CHPF2: variants seen among roughly 807,000 people sequenced by gnomAD.
CHPF2 encodes the protein chondroitin polymerizing factor 2.
Under a neutral mutation model 63.0 loss-of-function variants are expected in CHPF2, and 58 were observed. The ratio of observed to expected loss-of-function variants is 0.92; its 90% CI spans 0.75 to 1.15. The LOEUF (loss-of-function observed/expected upper bound fraction) is 1.15, where lower values mean the gene tolerates loss of function less well. CHPF2 is among the 50% of genes most tolerant of loss of function. The probability of loss-of-function intolerance (pLI) is 0.00; values close to 1 mark genes in which losing one functional copy is unlikely to be tolerated. For synonymous variants in CHPF2, 442 were observed against 438.0 expected (o/e 1.01, Z -0.11); for missense variants, 1,045 against 1,035.4 (o/e 1.01, Z -0.13).
In CHPF2 at chr7:151,232,574, C is replaced by G. The variant is rs929087285; in HGVS notation, c.-1438C>G. On this transcript the variant is annotated 5_prime_UTR_variant, in exon 1 of 4. Transcript: ENST00000035307. Reference sequence around the variant, plus strand: ...GGCACTGGGGTCTGTTCCCCCTTCCCCGTCCCTGCTCCCTGCCAGGCGCGT... The same window carrying G: ...GGCACTGGGGTCTGTTCCCCCTTCCGCGTCCCTGCTCCCTGCCAGGCGCGT... 1.8e-6 allele frequency: 1 copy of G among 559,808 alleles called. No homozygotes were observed. Among genetic ancestry groups the G allele is most frequent in the South Asian group, 2.3e-5 (1 of 42,728 alleles). 34.7% of individuals were successfully genotyped at this position (559,808 alleles called of 1,614,324 possible).
rs1802513866 is a variant in CHPF2, at chr7:151,232,913, G to A, written c.-1099G>A. 7 of 1,360,618 alleles carry A rather than the reference G, an allele frequency of 5.1e-6. No homozygotes were observed. The Admixed American group carries it at 2.3e-4, about 45-fold the overall frequency. 84.3% of individuals were successfully genotyped at this position (1,360,618 alleles called of 1,614,324 possible). On this transcript the variant is annotated 5_prime_UTR_variant, in exon 1 of 4. Coordinates refer to ENST00000035307, the MANE Select transcript of CHPF2 (RefSeq NM_019015.3). ...CCCTTCTCAGCAGCCCGGTGACGTG[G>A]CCAGTTTATTTCTGTTTTGAGACGA...
intron 3 of CHPF2, 109 bp downstream of exon 3, chr7:151,236,699 G>A (rs1383567242): frequency 9.3e-7 from 1 of 1,078,268 alleles, no homozygotes; most frequent in Non-Finnish European, 1.3e-6. Flanking sequence ...GGCTGGGCTA[G>A]GCCCTGTATA....
rs1442095679 is a variant in CHPF2, at chr7:151,232,772, C to T, written c.-1240C>T. ...CCTGCGCTCGCGGCCTCGATGCTGT[C>T]TCTGGCGCGGCCTCCGCTCCCGCCG... On this transcript the variant is annotated 5_prime_UTR_variant, in exon 1 of 4. Transcript: ENST00000035307. The T allele has an allele frequency of 2.7e-6, 4 of 1,505,878 alleles. No homozygotes were observed. In the East Asian group the frequency reaches 1.1e-4, roughly 42 times the overall value. 93.3% of individuals were successfully genotyped at this position (1,505,878 alleles called of 1,614,324 possible).
At position 151,235,122 on chromosome 7, in the gene CHPF2, T is replaced by C. The variant is rs1381389276; in HGVS notation, c.338T>C (p.Leu113Pro). The change falls in exon 2 of 4, where the codon CTG becomes CCG. Residue 113 changes from leucine (L) to proline (P), a missense_variant. Transcript: ENST00000035307. ...LVAVLTSRATLSTLAVAVNRT... is the reference protein window; with the variant it reads ...LVAVLTSRATPSTLAVAVNRT... ...GCTGTCCTGACCTCCCGAGCTACAC[T>C]GTCCACTTTGGCCGTGGCTGTGAAC... 6 of 1,610,200 alleles carry C rather than the reference T, an allele frequency of 3.7e-6. No homozygotes were observed. The African/African-American group carries it at 8.0e-5, about 21-fold the overall frequency.
Position 151,232,539 on chromosome 7 carries a change from C to T in CHPF2, c.-1473C>T, listed in dbSNP as rs958038544. ...GCAGCGGCTGCAGCGGCGGAGCCGG[C>T]GCCTCAGCGGGCACTGGGGTCTGTT... is the stretch of plus-strand genomic sequence containing the variant. On this transcript the variant is annotated 5_prime_UTR_variant, in exon 1 of 4. Transcript: ENST00000035307. The T allele has an allele frequency of 1.4e-5, 7 of 506,526 alleles. 1 individual carries two copies. The highest frequency in any genetic ancestry group is 8.6e-5 in the Admixed American group (2 of 23,220). The allele number at this position is 506,526 out of a possible 1,614,324, so 31.4% of individuals were successfully genotyped here.
chr7:151,235,128 C>T lies in CHPF2; in HGVS notation c.344C>T (p.Thr115Ile), dbSNP rs753746138. ...AVLTSRATLS[T>I]LAVAVNRTVA... ...CTGACCTCCCGAGCTACACTGTCCA[C>T]TTTGGCCGTGGCTGTGAACCGTACG... Residue 115 changes from threonine to isoleucine, a missense_variant, in exon 2 of 4, where the codon ACT becomes ATT. By Grantham distance (89) the Thr-to-Ile change is moderately conservative. Coordinates refer to ENST00000035307, the MANE Select transcript of CHPF2 (RefSeq NM_019015.3). 3.7e-6 allele frequency: 6 copies of T among 1,611,272 alleles called. No homozygotes were observed. The highest frequency in any genetic ancestry group is 5.1e-6 in the Non-Finnish European group (6 of 1,178,148).
chr7:151,232,831 C>T lies in CHPF2; in HGVS notation c.-1181C>T. 6.8e-7 allele frequency: 1 copy of T among 1,462,804 alleles called. No homozygotes were observed. The highest frequency in any genetic ancestry group is 9.0e-7 in the Non-Finnish European group (1 of 1,112,132). The allele number at this position is 1,462,804 out of a possible 1,614,324, so 90.6% of individuals were successfully genotyped here. On this transcript the variant is annotated 5_prime_UTR_variant, in exon 1 of 4. Transcript: ENST00000035307. ...GAGAACGAGGTCTGTGCCCCAGTCT[C>T]CCAGCCGCGACCTCCGACCCCGCCT...
chr7:151,238,245 C>G lies in CHPF2; in HGVS notation c.1883C>G (p.Pro628Arg). ...FFPVHFQEFN[P>R]ALSPQRSPPG... is the part of the protein sequence containing the mutation. ...CCAGTCCATTTCCAGGAGTTCAATC[C>G]TGCCCTGTCACCACAGAGATCACCC... Residue 628 changes from proline to arginine, a missense_variant, in exon 4 of 4, where the codon CCT (proline) becomes CGT (arginine). Physicochemically the swap from Pro to Arg is moderately radical, Grantham distance 103 (BLOSUM62 -2). Transcript: ENST00000035307. 1 of 1,612,894 alleles carries G rather than the reference C, an allele frequency of 6.2e-7. No individual in the cohort carries two copies. Among genetic ancestry groups the G allele is most frequent in the East Asian group, 2.2e-5 (1 of 44,868 alleles).
At position 151,235,355 on chromosome 7, in the gene CHPF2, C is replaced by G; in HGVS notation, c.571C>G (p.Arg191Gly). ...MQDDTYVQAP[R>G]LAALAGHLSI... ...GGATGACACATATGTGCAGGCCCCC[C>G]GCCTGGCAGCCCTTGCTGGCCACCT... The change falls in exon 2 of 4, where the codon CGC becomes GGC. Residue 191 changes from arginine to glycine, a missense_variant. Coordinates refer to ENST00000035307, the MANE Select transcript of CHPF2 (RefSeq NM_019015.3). The G allele has an allele frequency of 1.2e-6, 2 of 1,613,950 alleles. No homozygotes were observed. Among genetic ancestry groups the G allele is most frequent in the Non-Finnish European group, 1.7e-6 (2 of 1,180,026 alleles).
Position 151,238,454 on chromosome 7 carries a change from G to T in CHPF2, c.2092G>T (p.Ala698Ser). 6.3e-7 allele frequency: 1 copy of T among 1,587,042 alleles called. No individual in the cohort carries two copies. Among genetic ancestry groups the T allele is most frequent in the Non-Finnish European group, 8.6e-7 (1 of 1,164,444 alleles). ...GELAGQEEEEALEGLEVMDVF... is the reference protein window; with the variant it reads ...GELAGQEEEESLEGLEVMDVF... ...ACTGGCAGGCCAGGAAGAGGAGGAAGCCCTGGAGGGGCTGGAGGTGATGGA... is the reference window on the plus strand; with the variant it reads ...ACTGGCAGGCCAGGAAGAGGAGGAATCCCTGGAGGGGCTGGAGGTGATGGA... Residue 698 changes from alanine (A) to serine (S), a missense_variant, in exon 4 of 4, where the codon GCC (alanine) becomes TCC (serine). Physicochemically the swap from Ala to Ser is moderately conservative, Grantham distance 99. Transcript: ENST00000035307.
chr7:151,233,449 C>T lies in CHPF2; in HGVS notation c.-563C>T. On this transcript the variant is annotated 5_prime_UTR_variant, in exon 1 of 4. Coordinates refer to ENST00000035307, the MANE Select transcript of CHPF2 (RefSeq NM_019015.3). ...GCTCTGGCCCCTTCCCTTGTGCCCA[C>T]CGGGCCTGCCGCAGTGGCTCAGCAG... The T allele has an allele frequency of 3.0e-6, 3 of 985,700 alleles. No homozygotes were observed. The highest frequency in any genetic ancestry group is 3.6e-6 in the Non-Finnish European group (3 of 830,136). 61.1% of individuals were successfully genotyped at this position (985,700 alleles called of 1,614,324 possible). A position where few individuals can be genotyped will look rare whatever the true frequency, so the allele number is the denominator to read the frequency against.
chr7:151,237,892 T>C lies in CHPF2; in HGVS notation c.1530T>C (p.Phe510=). 1 of 1,612,806 alleles carries C rather than the reference T, an allele frequency of 6.2e-7. No individual in the cohort carries two copies. The highest frequency in any genetic ancestry group is 2.2e-5 in the East Asian group (1 of 44,878). ...CAGCCCCGGCTTTCCTCGAGGCCTT[T>C]GCAGCCAATGTCCTGGAGCCACGAG... is the stretch of plus-strand genomic sequence containing the variant. ...AAAAPAFLEA[F]AANVLEPREH... The change falls in exon 4 of 4, where the codon TTT becomes TTC. Residue 510 remains phenylalanine (F), a synonymous_variant. Coordinates refer to ENST00000035307, the MANE Select transcript of CHPF2 (RefSeq NM_019015.3).
rs750090244 is a variant in CHPF2, at chr7:151,237,978, C to T, written c.1616C>T (p.Pro539Leu). Residue 539 changes from proline (P) to leucine (L), a missense_variant, in exon 4 of 4, where the codon CCA (proline) becomes CTA (leucine). Pro to Leu is a moderately conservative substitution (Grantham distance 98). Coordinates refer to ENST00000035307, the MANE Select transcript of CHPF2 (RefSeq NM_019015.3). ...YGPREGGRGA[P>L]DPFLGVKAAA... is the part of the protein sequence containing the mutation. ...CCACGAGAAGGTGGCCGTGGAGCTCCAGACCCATTTCTTGGGGTGAAGGCT... is the reference window on the plus strand; with the variant it reads ...CCACGAGAAGGTGGCCGTGGAGCTCTAGACCCATTTCTTGGGGTGAAGGCT... 2 of 1,613,218 alleles carry T rather than the reference C, an allele frequency of 1.2e-6. No homozygotes were observed. The highest frequency in any genetic ancestry group is 1.7e-6 in the Non-Finnish European group (2 of 1,180,040).
intron 2 of CHPF2, 24 bp from the exon 3 acceptor site, chr7:151,236,384 T>G: frequency 6.5e-7 from 1 of 1,541,838 alleles, no homozygotes; most frequent in Non-Finnish European, 8.8e-7. Flanking sequence ...TGTGTGTCAT[T>G]GATTGGTCTG....
chr7:151,237,943 G>A lies in CHPF2; in HGVS notation c.1581G>A (p.Leu527=). The change falls in exon 4 of 4, where the codon CTG becomes CTA. Residue 527 remains leucine, a synonymous_variant. Coordinates refer to ENST00000035307, the MANE Select transcript of CHPF2 (RefSeq NM_019015.3). ...AACATGCATTGCTCACCCTGTTGCT[G>A]GTCTACGGGCCACGAGAAGGTGGCC... ...PREHALLTLL[L]VYGPREGGRG... 6.2e-7 allele frequency: 1 copy of A among 1,613,110 alleles called. No individual in the cohort carries two copies. Among genetic ancestry groups the A allele is most frequent in the East Asian group, 2.2e-5 (1 of 44,874 alleles).
chr7:151,232,657 A>C lies in CHPF2; in HGVS notation c.-1355A>C. Reference sequence around the variant, plus strand: ...CCCCGCCCCCTCCCGGGACGCCGGGAGACCCCGGCCGTCCTTTATCCGGTG... The same window carrying C: ...CCCCGCCCCCTCCCGGGACGCCGGGCGACCCCGGCCGTCCTTTATCCGGTG... On this transcript the variant is annotated 5_prime_UTR_variant, in exon 1 of 4. Coordinates refer to ENST00000035307, the MANE Select transcript of CHPF2 (RefSeq NM_019015.3). 8.8e-7 allele frequency: 1 copy of C among 1,137,300 alleles called. No individual in the cohort carries two copies. Among genetic ancestry groups the C allele is most frequent in the Non-Finnish European group, 1.2e-6 (1 of 833,756 alleles). 70.5% of individuals were successfully genotyped at this position (1,137,300 alleles called of 1,614,324 possible).
In CHPF2 at chr7:151,237,449, C is replaced by T. The variant is rs772214514; in HGVS notation, c.1087C>T (p.Pro363Ser). 5 of 1,613,618 alleles carry T rather than the reference C, an allele frequency of 3.1e-6. No homozygotes were observed. The South Asian group carries it at 3.3e-5, about 11-fold the overall frequency. The change falls in exon 4 of 4, where the codon CCT becomes TCT. Residue 363 changes from proline to serine, a missense_variant. Coordinates refer to ENST00000035307, the MANE Select transcript of CHPF2 (RefSeq NM_019015.3). ...GLSWPVGLPA[P>S]FTPHSRFEVL... ...GAGCTGGCCCGTTGGGCTCCCTGCT[C>T]CTTTCACACCACACTCTCGCTTTGA...
intron 3 of CHPF2, 112 bp downstream of exon 3, chr7:151,236,702 C>CCA: frequency 9.6e-7 from 1 of 1,037,522 alleles, no homozygotes; most frequent in Non-Finnish European, 1.4e-6. Flanking sequence ...TGGGCTAGGC[C>CCA]CTGTATAATG....
At chr7:151,237,021 G>T in intron 3 of CHPF2, 1 of 548,488 alleles carries the variant, frequency 1.8e-6, no homozygotes, top group Non-Finnish European at 3.5e-6. Context: ...GCTTGGCAGA[G>T]GTGGAGTGTA....
Sources: allele counts gnomAD v4.1 joint callset, GRCh38; gene constraint gnomAD v4.1.1; transcripts MANE v1.5; gene names NCBI Gene and HGNC (gene_info 2026-07-23, HGNC 2026-07-21).